Variants in GPC6 observed in about 807,000 individuals in gnomAD.
The protein encoded by GPC6 is glypican 6, also known as glypican-6.
Under a neutral mutation model 55.2 loss-of-function variants are expected in GPC6, and 14 were observed. The ratio of observed to expected loss-of-function variants is 0.25; its 90% confidence interval spans 0.17 to 0.40. GPC6 has a LOEUF of 0.40. GPC6 is among the 10% of genes least tolerant of loss of function. The pLI is 1.00. For synonymous variants in GPC6, 278 were observed against 259.6 expected (o/e 1.07, Z -0.68); for missense variants, 641 against 708.5 (o/e 0.90, Z 1.08).
intron 1 of GPC6, among the ~76,000 whole-genome samples, chr13:93,238,106 A>G (rs932761954): frequency 1.9e-4 from 29 of 151,510 alleles, no homozygotes; most frequent in African/African-American, 7.0e-4. Context: ...GTGAAAAACG[A>G]TATTGGTATA....
At chr13:93,224,197 C>CTTT (rs34332669), upstream of GPC6, among the ~76,000 whole-genome samples, 1 of 133,580 alleles carries the variant, frequency 7.5e-6, no homozygotes, top group African/African-American at 2.8e-5. Flanking sequence ...CGCGCCCGGC[C>CTTT]TTTTTTTTTT....
chr13:94,267,963 A>T (rs1891869203), intron 4 of GPC6, among the ~76,000 whole-genome samples: 1 of 152,250 alleles, frequency 6.6e-6, no homozygotes, highest in African/African-American at 2.4e-5. Context: ...ATATGAAAGA[A>T]ACAAAAATTA....
chr13:93,507,030 A>C (rs761202032), intron 1 of GPC6, among the ~76,000 whole-genome samples: 36 of 135,230 alleles, frequency 2.7e-4, no homozygotes, highest in Non-Finnish European at 4.5e-4. Flanking sequence ...CCACTGCACT[A>C]CAGCCTGGGC....
intron 7 of GPC6, among the ~76,000 whole-genome samples, chr13:94,394,870 C>G (rs1172239305): frequency 6.6e-6 from 1 of 152,178 alleles, no homozygotes; most frequent in Admixed American, 6.5e-5. Context: ...TTGGCAGTCT[C>G]TTATTGTTCC....
chr13:93,897,370 G>A (rs1372487343), intron 3 of GPC6, among the ~76,000 whole-genome samples: 4 of 151,862 alleles, frequency 2.6e-5, no homozygotes, highest in Non-Finnish European at 4.4e-5. Context: ...GAAGATAAGC[G>A]TCTAAGGTGT....
chr13:93,989,114 A>G (rs28455701), intron 3 of GPC6, among the ~76,000 whole-genome samples: 3,144 of 152,304 alleles, frequency 0.021, 118 homozygotes, highest in African/African-American at 0.071. Flanking sequence ...GATATTTGTA[A>G]TTCCTTAAAT....
At chr13:94,125,868 G>A (rs901790189) in intron 4 of GPC6, among the ~76,000 whole-genome samples, 26 of 151,886 alleles carry the variant, frequency 1.7e-4, no homozygotes, top group African/African-American at 6.3e-4. Context: ...AATACTTGTT[G>A]AAAAATATGC....
rs150693522 is a variant in GPC6, at chr13:94,235,950, C to G, written c.878-50399C>G. Among the ~76,000 whole-genome samples the G allele has an allele frequency of 2.0e-4, 31 of 152,284 alleles. No homozygotes were observed. In the East Asian group the frequency reaches 4.2e-3, roughly 21 times the overall value. On this transcript the variant is annotated intron_variant, in intron 4 of 8. Coordinates refer to ENST00000377047, the MANE Select transcript of GPC6 (RefSeq NM_005708.5). ...GGTGACGAAACTGAGACCCTGAGAA[C>G]TCTTCTTGTCCAGTATTAATAACAA...
chr13:93,656,399 A>T (rs1245837769), intron 2 of GPC6, among the ~76,000 whole-genome samples: 2 of 152,158 alleles, frequency 1.3e-5, no homozygotes, highest in Non-Finnish European at 2.9e-5. Flanking sequence ...AGCAGCATTT[A>T]TTTCATCATT....
At chr13:93,486,759 A>G (rs762327070) in intron 1 of GPC6, among the ~76,000 whole-genome samples, 18 of 152,256 alleles carry the variant, frequency 1.2e-4, no homozygotes, top group East Asian at 3.9e-4. Context: ...ATCCTGGCCA[A>G]CATGGTGAAA....
At chr13:94,211,165 T>TTTTTG (rs1305579477) in intron 4 of GPC6, among the ~76,000 whole-genome samples, 4 of 152,194 alleles carry the variant, frequency 2.6e-5, no homozygotes, top group African/African-American at 7.2e-5. Context: ...GGGGTTTTGT[T>TTTTTG]TTTTGTTTTG....
At chr13:93,363,403 T>C (rs1453587436) in intron 1 of GPC6, among the ~76,000 whole-genome samples, 17 of 151,938 alleles carry the variant, frequency 1.1e-4, no homozygotes, top group African/African-American at 3.6e-4. Context: ...TTTGTTCTTG[T>C]GATAGTTTAC....
chr13:93,987,632 C>A (rs555869738), intron 3 of GPC6, among the ~76,000 whole-genome samples: 12 of 152,246 alleles, frequency 7.9e-5, no homozygotes, highest in African/African-American at 2.9e-4. Context: ...TGTGTCAGGG[C>A]AAAATGCAGT....
intron 1 of GPC6, among the ~76,000 whole-genome samples, chr13:93,422,156 G>C (rs572790496): frequency 6.6e-6 from 1 of 152,132 alleles, no homozygotes; most frequent in East Asian, 1.9e-4. Flanking sequence ...GATTGGATGG[G>C]CACTCTTCCC....
At chr13:94,062,229 T>G (rs1017807566) in intron 4 of GPC6, among the ~76,000 whole-genome samples, 2 of 151,348 alleles carry the variant, frequency 1.3e-5, no homozygotes, top group East Asian at 3.9e-4. Context: ...CCCTCTACAT[T>G]TCTGTTTTTT....
chr13:94,308,769 C>G (rs1183386320), intron 6 of GPC6, among the ~76,000 whole-genome samples: 1 of 152,202 alleles, frequency 6.6e-6, no homozygotes, highest in Non-Finnish European at 1.5e-5. Context: ...CTCCTGAGAA[C>G]AAGGCACTGT....
chr13:94,080,475 T>C (rs1449674650), intron 4 of GPC6, among the ~76,000 whole-genome samples: 6 of 152,158 alleles, frequency 3.9e-5, no homozygotes, highest in Non-Finnish European at 7.4e-5. Flanking sequence ...ATAAACAAAA[T>C]AAATAAATAC....
chr13:93,386,097 T>C (rs1210907210), intron 1 of GPC6, among the ~76,000 whole-genome samples: 1 of 94,992 alleles, frequency 1.1e-5, no homozygotes, highest in Admixed American at 1.1e-4. Flanking sequence ...GACCACTTTG[T>C]TAAAAAAAAA....
At chr13:94,209,623 T>C (rs1890012867) in intron 4 of GPC6, among the ~76,000 whole-genome samples, 1 of 151,800 alleles carries the variant, frequency 6.6e-6, no homozygotes, top group South Asian at 2.1e-4. Context: ...TTTCCATTGT[T>C]TTCCCTTTTT....
Sources: allele counts gnomAD v4.1 joint callset (sites outside exome capture counted in the v4.1 genomes callset), GRCh38; gene constraint gnomAD v4.1.1; transcripts MANE v1.5; gene names NCBI Gene and HGNC (gene_info 2026-07-23, HGNC 2026-07-21).